Variants in ARMC9 observed in about 807,000 individuals in gnomAD.
ARMC9 encodes armadillo repeat containing 9.
In ARMC9, 94 loss-of-function variants were observed where a neutral mutation model predicts 107.0. That is an observed-to-expected ratio of 0.88 (90% confidence interval 0.74 to 1.04). The LOEUF is 1.04. ARMC9 is among the 50% of genes least tolerant of loss of function. ARMC9 has a pLI of 0.00. For synonymous variants in ARMC9, 380 were observed against 396.9 expected (o/e 0.96, Z 0.51); for missense variants, 942 against 1,030.1 (o/e 0.91, Z 1.17).
intron 19 of ARMC9, among the ~76,000 whole-genome samples, chr2:231,299,790 T>C (rs1485414500): frequency 2.0e-5 from 3 of 152,168 alleles, no homozygotes. Context: ...GGTGTTTTCA[T>C]TGTTTTCTAA....
intron 11 of ARMC9, among the ~76,000 whole-genome samples, chr2:231,261,119 C>G (rs979878012): frequency 6.6e-6 from 1 of 152,200 alleles, no homozygotes; most frequent in Non-Finnish European, 1.5e-5. Flanking sequence ...ATATTCCTTG[C>G]ACATCTAGCT....
Position 231,255,180 on chromosome 2 carries a change from A to AAC in ARMC9, c.880-1366_880-1365dup, listed in dbSNP as rs3042595. Among the ~76,000 whole-genome samples the AAC allele has an allele frequency of 0.034, 4,976 of 146,796 alleles. 116 individuals carry two copies. Among genetic ancestry groups the AAC allele is most frequent in the Admixed American group, 0.081 (1,182 of 14,554 alleles). On this transcript the variant is annotated intron_variant, in intron 9 of 24. Transcript: ENST00000611582. This position sits in a 1 kb window ranked among gnomAD's most constrained non-coding sequence, Gnocchi z 4.7. ...AGCACTACCTGTAGTGGCAAAAAGA[A>AAC]ACACACACACACACACACACACACA...
intron 19 of ARMC9, among the ~76,000 whole-genome samples, chr2:231,318,171 G>T (rs2125528997): frequency 6.6e-6 from 1 of 152,190 alleles, no homozygotes; most frequent in Middle Eastern, 3.4e-3. Flanking sequence ...TTGGTAAGCA[G>T]TTAACTTGCC....
At chr2:231,326,882 A>G (rs767507818) in intron 19 of ARMC9, among the ~76,000 whole-genome samples, 6 of 152,194 alleles carry the variant, frequency 3.9e-5, no homozygotes, top group Non-Finnish European at 5.9e-5. Flanking sequence ...GGAGCCAATT[A>G]TAGTCATTAG....
intron 9 of ARMC9, among the ~76,000 whole-genome samples, chr2:231,242,290 G>T (rs1449433311): frequency 6.6e-6 from 1 of 152,134 alleles, no homozygotes; most frequent in Non-Finnish European, 1.5e-5. Context: ...CTGAAGAGCA[G>T]GCGGCCTTGA....
At chr2:231,248,532 G>A (rs754877286) in intron 9 of ARMC9, among the ~76,000 whole-genome samples, 2 of 152,028 alleles carry the variant, frequency 1.3e-5, no homozygotes, top group East Asian at 1.9e-4. Context: ...TGGCAGGGCC[G>A]GACGTGGTGG....
rs35234269 is a variant in ARMC9 at position 231,248,806 on chromosome 2, CAAAAAAAAAA to C, written c.880-7762_880-7753del. On this transcript the variant is annotated intron_variant, in intron 9 of 24. Transcript: ENST00000611582. The stretch of plus-strand genomic sequence containing the variant: ...TGGGCAACAGAACGAGGTTCTGTCT[CAAAAAAAAAA>C]AAAAAAAAAAAAAAAAAGCTGGCCA... Among the ~76,000 whole-genome samples the C allele has an allele frequency of 5.9e-3, 226 of 38,052 alleles. 3 individuals are homozygous for C. The highest frequency in any genetic ancestry group is 0.019 in the African/African-American group (205 of 11,058). The allele number at this position is 38,052 out of a possible 152,430, so 25.0% of individuals were successfully genotyped here.
intron 21 of ARMC9, among the ~76,000 whole-genome samples, chr2:231,349,366 A>C (rs548675238): frequency 6.6e-6 from 1 of 152,262 alleles, no homozygotes; most frequent in Non-Finnish European, 1.5e-5. Context: ...TTACTTAAAC[A>C]ATCTAAACAA....
At chr2:231,346,551 A>G (rs1340004524) in intron 21 of ARMC9, among the ~76,000 whole-genome samples, 1 of 152,154 alleles carries the variant, frequency 6.6e-6, no homozygotes, top group Non-Finnish European at 1.5e-5. Context: ...ATTACACTCA[A>G]GAGCTTTCAA....
rs112359371 is a variant in ARMC9, at chr2:231,360,546, A to G, written c.2132-208A>G. Among the ~76,000 whole-genome samples the G allele has an allele frequency of 0.14, 20,993 of 152,132 alleles. 3,279 individuals are homozygous for G. The highest frequency in any genetic ancestry group is 0.38 in the African/African-American group (15,847 of 41,462). On this transcript the variant is annotated intron_variant, in intron 22 of 24. Coordinates refer to ENST00000611582, the MANE Select transcript of ARMC9 (RefSeq NM_001352754.2). This position sits in a 1 kb window ranked among gnomAD's most constrained non-coding sequence, Gnocchi z 4.7. The stretch of plus-strand genomic sequence containing the variant: ...ACCTCCCTGGGCTGTGCCTGTCACC[A>G]CCAGCAGTGTGCCTGCCATCCCCCG...
chr2:231,342,215 A>G (rs1486247170), intron 20 of ARMC9, among the ~76,000 whole-genome samples: 2 of 152,198 alleles, frequency 1.3e-5, no homozygotes, highest in Non-Finnish European at 2.9e-5. Flanking sequence ...AAGCCGCTCC[A>G]CTGAGGGCCT....
chr2:231,364,161 G>T (rs139976394), intron 23 of ARMC9, among the ~76,000 whole-genome samples: 74 of 152,362 alleles, frequency 4.9e-4, no homozygotes, highest in African/African-American at 1.6e-3. Flanking sequence ...TGATGGCAGG[G>T]CTGCCTTGAC....
chr2:231,256,344 C>G (rs2037807514), intron 9 of ARMC9: 1 of 1,506,590 alleles, frequency 6.6e-7, no homozygotes, highest in South Asian at 1.2e-5. Context: ...TCGGGTTCGA[C>G]CACTTGGCCG....
rs1249972872 is a variant in ARMC9, at chr2:231,255,245, G to A, written c.880-1341G>A. Among the ~76,000 whole-genome samples the A allele has an allele frequency of 3.3e-5, 5 of 151,212 alleles. No individual in the cohort carries two copies. Among genetic ancestry groups the A allele is most frequent in the African/African-American group, 1.2e-4 (5 of 41,132 alleles). ...CAAAATAAATGGGACAAGAATCTCC[G>A]TAAAGTAGGTGATGATTTTGCCTAT... On this transcript the variant is annotated intron_variant, in intron 9 of 24. Transcript: ENST00000611582. This position sits in a 1 kb window ranked among gnomAD's most constrained non-coding sequence, Gnocchi z 4.7.
At chr2:231,249,059 G>C (rs949316930) in intron 9 of ARMC9, among the ~76,000 whole-genome samples, 1 of 152,158 alleles carries the variant, frequency 6.6e-6, no homozygotes, top group African/African-American at 2.4e-5. Flanking sequence ...GAGAAGAAGG[G>C]GTTGGCAGAA....
chr2:231,369,728 G>A (rs967933119), intron 23 of ARMC9, among the ~76,000 whole-genome samples: 3 of 151,932 alleles, frequency 2.0e-5, no homozygotes, highest in Non-Finnish European at 4.4e-5. Flanking sequence ...TGAGGAGCTG[G>A]AATTACAGGT....
chr2:231,252,472 A>C (rs2037388951), intron 9 of ARMC9, among the ~76,000 whole-genome samples: 1 of 151,850 alleles, frequency 6.6e-6, no homozygotes, highest in Non-Finnish European at 1.5e-5. Flanking sequence ...CTGGTCTCGA[A>C]CTCCTGACCT....
intron 21 of ARMC9, among the ~76,000 whole-genome samples, chr2:231,353,978 T>TACACACAC (rs537007134): frequency 2.9e-5 from 4 of 138,224 alleles, no homozygotes; most frequent in African/African-American, 1.3e-4. Flanking sequence ...TATATGTATA[T>TACACACAC]ATACACACAC....
chr2:231,264,710 T>C (rs887448805), intron 12 of ARMC9, among the ~76,000 whole-genome samples: 1 of 151,462 alleles, frequency 6.6e-6, no homozygotes, highest in African/African-American at 2.4e-5. Flanking sequence ...TTGGTCAGGC[T>C]GGTCTCGAAC....
Sources: gnomAD v4.1 joint callset for allele counts (sites outside exome capture counted in the v4.1 genomes callset) on GRCh38, gnomAD v4.1.1 for gene constraint, Gnocchi (gnomAD v3.1) non-coding constraint, MANE v1.5 for transcripts, NCBI Gene and HGNC (gene_info 2026-07-23, HGNC 2026-07-21) for gene names.